The following PARP4 variants were observed in gnomAD, a reference collection of about 807,000 sequenced individuals.
PARP4 encodes protein mono-ADP-ribosyltransferase PARP4.
Under a neutral mutation model 187.7 loss-of-function variants are expected in PARP4, and 120 were observed. The observed-to-expected ratio is 0.64, with a 90% CI of 0.55 to 0.74. The LOEUF (loss-of-function observed/expected upper bound fraction) is 0.74, where lower values mean the gene tolerates loss of function less well. Among genes scored for constraint, PARP4 ranks in the 30% least tolerant of loss-of-function variants. PARP4 has a pLI of 0.00. For synonymous variants in PARP4, 654 were observed against 740.9 expected, an observed-to-expected ratio of 0.88 and a Z score of 1.90; for missense variants, 1,836 against 2,070.5, an observed-to-expected ratio of 0.89 and a Z score of 2.20.
chr13:24,455,501 ATATAT>A (rs1593609528), intron 21 of PARP4, among the ~76,000 whole-genome samples: 3 of 140,002 alleles, frequency 2.1e-5, no homozygotes, highest in East Asian at 4.0e-4. Context: ...ATATATATAT[ATATAT>A]CACACTATTC....
chr13:24,423,498 G>A (rs1017024970), intron 33 of PARP4, among the ~76,000 whole-genome samples: 10 of 151,494 alleles, frequency 6.6e-5, no homozygotes, highest in African/African-American at 1.5e-4. Context: ...GCCACTGCAC[G>A]CCAGCCTGGG....
intron 18 of PARP4, chr13:24,459,566 C>CACACACA: frequency 4.9e-6 from 2 of 411,984 alleles, no homozygotes; most frequent in South Asian, 3.6e-5. Flanking sequence ...CACACACACA[C>CACACACA]ATTTTATACA....
intron 1 of PARP4, among the ~76,000 whole-genome samples, chr13:24,505,919 G>A (rs1178256414): frequency 1.3e-5 from 2 of 152,216 alleles, no homozygotes; most frequent in African/African-American, 2.4e-5. Flanking sequence ...ACGCGTCTTG[G>A]GACTAAGCTG....
chr13:24,506,558 C>G (rs1302223395), intron 1 of PARP4, among the ~76,000 whole-genome samples: 1 of 152,148 alleles, frequency 6.6e-6, no homozygotes, highest in Non-Finnish European at 1.5e-5. Flanking sequence ...GACACAAGTT[C>G]TCCAGGTCCC....
At chr13:24,497,779 A>G (rs184087544) in intron 6 of PARP4, among the ~76,000 whole-genome samples, 125 of 152,306 alleles carry the variant, frequency 8.2e-4, no homozygotes, top group Admixed American at 3.1e-3. Flanking sequence ...CCCTGATCCA[A>G]TATGACTGCT....
intron 17 of PARP4, among the ~76,000 whole-genome samples, chr13:24,460,738 G>A (rs4514528): frequency 0.22 from 33,537 of 152,026 alleles, 3,943 homozygotes; most frequent in East Asian, 0.3. Context: ...ATCCAGGCTG[G>A]AGGGCAGTGG....
intron 24 of PARP4, among the ~76,000 whole-genome samples, chr13:24,450,261 T>A (rs1457330604): frequency 6.6e-6 from 1 of 151,992 alleles, no homozygotes; most frequent in East Asian, 1.9e-4. Flanking sequence ...GCAAAAGGCA[T>A]AAAGAAGCAA....
intron 17 of PARP4, among the ~76,000 whole-genome samples, chr13:24,462,068 A>T (rs1872238901): frequency 1.3e-5 from 2 of 152,184 alleles, no homozygotes; most frequent in Admixed American, 6.5e-5. Context: ...CAGAAGTGCT[A>T]ATTAGTTCCC....
chr13:24,490,804 A>G lies in PARP4; in HGVS notation c.1078T>C (p.Cys360Arg). 6.2e-7 allele frequency: 1 copy of G among 1,614,144 alleles called. No individual in the cohort carries two copies. The highest frequency in any genetic ancestry group is 8.5e-7 in the Non-Finnish European group (1 of 1,179,982). The change falls in exon 10 of 34, where the codon TGT becomes CGT. Residue 360 changes from cysteine (C) to arginine (R), a missense_variant. Cys to Arg is a radical substitution (Grantham distance 180, BLOSUM62 -3). Coordinates refer to ENST00000381989, the MANE Select transcript of PARP4 (RefSeq NM_006437.4). ...CQLIRDMVNVCETNLSKPNPP... is the reference protein window; with the variant it reads ...CQLIRDMVNVRETNLSKPNPP... ...TTGGGTTTGGACAAATTAGTTTCAC[A>G]GACATTAACCATGTCTCTTATTAGC...
Position 24,458,487 on chromosome 13 carries a change from G to A in PARP4, c.2424+557C>T, listed in dbSNP as rs573543358. ...AGCTACTCAGGAGCCTGAAGCAGGA[G>A]GGTTGTTTGATCCAAGGAGGTCAAG... On this transcript the variant is annotated intron_variant, in intron 20 of 33. Transcript: ENST00000381989. 6.6e-5 allele frequency among the ~76,000 whole-genome samples: 10 copies of A among 152,094 alleles called. No individual in the cohort carries two copies. The South Asian group carries it at 2.1e-3, about 32-fold the overall frequency.
chr13:24,468,906 T>G, intron 17 of PARP4, 118 bp downstream of exon 17: 1 of 745,810 alleles, frequency 1.3e-6, no homozygotes, highest in Non-Finnish European at 2.3e-6. Flanking sequence ...CAAGTGGAAC[T>G]CTGGGGCCTA....
In PARP4 at chr13:24,460,456, ACGGG is replaced by A. The variant is rs1566001719; in HGVS notation, c.2134-324_2134-321del. On this transcript the variant is annotated intron_variant, in intron 17 of 33. Coordinates refer to ENST00000381989, the MANE Select transcript of PARP4 (RefSeq NM_006437.4). ...TCTCTGCACACGTGGGCTCTGCTGC[ACGGG>A]TGGGCTCTGCTGCACGGGTGGGCTC... 2.5e-3 allele frequency among the ~76,000 whole-genome samples: 315 copies of A among 124,604 alleles called. 2 individuals carry two copies. The highest frequency in any genetic ancestry group is 7.6e-3 in the African/African-American group (268 of 35,112). The allele number at this position is 124,604 out of a possible 152,430, so 81.7% of individuals were successfully genotyped here.
chr13:24,429,942 T>G (rs1488947146), intron 32 of PARP4, among the ~76,000 whole-genome samples: 1 of 152,242 alleles, frequency 6.6e-6, no homozygotes, highest in Non-Finnish European at 1.5e-5. Flanking sequence ...TTGTGTCTCA[T>G]GAGCTGAGAA....
At chr13:24,472,237 G>A (rs7334446) in intron 15 of PARP4, among the ~76,000 whole-genome samples, 77,354 of 151,970 alleles carry the variant, frequency 0.51, 20,009 homozygotes, top group South Asian at 0.65. Context: ...CTGACTCTTA[G>A]GAAATGGTAA....
intron 32 of PARP4, among the ~76,000 whole-genome samples, chr13:24,429,559 G>C (rs1870229153): frequency 6.6e-6 from 1 of 152,182 alleles, no homozygotes; most frequent in Admixed American, 6.5e-5. Context: ...TATAGTCCTT[G>C]ATCATGAGAT....
At chr13:24,430,693 G>A (rs1870292200) in intron 32 of PARP4, among the ~76,000 whole-genome samples, 1 of 152,066 alleles carries the variant, frequency 6.6e-6, no homozygotes, top group Admixed American at 6.6e-5. Flanking sequence ...CCTAGGGCTA[G>A]CATTTGACCT....
Position 24,477,876 on chromosome 13 carries a change from A to G in PARP4, c.1633-19T>C. 2 of 1,531,408 alleles carry G rather than the reference A, an allele frequency of 1.3e-6. No individual in the cohort carries two copies. The highest frequency in any genetic ancestry group is 1.8e-6 in the Non-Finnish European group (2 of 1,137,404). 94.9% of individuals were successfully genotyped at this position (1,531,408 alleles called of 1,614,324 possible). On this transcript the variant is annotated intron_variant, in intron 13 of 33. Coordinates refer to ENST00000381989, the MANE Select transcript of PARP4 (RefSeq NM_006437.4). ...CATCATCCTAGAGCAAACAGAAATC[A>G]GTAGGTGATTAACAACAGAAGCAAC...
chr13:24,428,883 G>A (rs1870190568), intron 32 of PARP4, among the ~76,000 whole-genome samples: 1 of 97,400 alleles, frequency 1.0e-5, no homozygotes, highest in Non-Finnish European at 2.3e-5. Flanking sequence ...TGCTGTCTTT[G>A]ATCAATTTTA....
chr13:24,425,569 G>GTGTATATC (rs1491353761), intron 33 of PARP4, among the ~76,000 whole-genome samples: 10 of 136,730 alleles, frequency 7.3e-5, no homozygotes, highest in Admixed American at 7.4e-5. Flanking sequence ...GTGTGTGTGT[G>GTGTATATC]TATATCTATA....
Sources: allele counts gnomAD v4.1 joint callset (sites outside exome capture counted in the v4.1 genomes callset), GRCh38; gene constraint gnomAD v4.1.1; transcripts MANE v1.5; gene names NCBI Gene and HGNC (gene_info 2026-07-23, HGNC 2026-07-21).